The following ZNF385D variants were observed in gnomAD, a reference collection of about 807,000 sequenced individuals.
ZNF385D encodes zinc finger protein 659.
In ZNF385D, 15 loss-of-function variants were observed where a neutral mutation model predicts 35.8. The ratio of observed to expected loss-of-function variants is 0.42; its 90% CI spans 0.28 to 0.64. The LOEUF is 0.64. ZNF385D is among the 30% of genes least tolerant of loss of function. The pLI, the probability that ZNF385D is intolerant of heterozygous loss-of-function variation, is 0.23. For missense variants in ZNF385D, 474 were observed against 494.6 expected (o/e 0.96, Z 0.39); for synonymous variants, 212 against 186.8 (o/e 1.13, Z -1.10).
chr3:21,465,463 G>A lies in ZNF385D; in HGVS notation c.440-28260C>T, dbSNP rs893779036. Among the ~76,000 whole-genome samples the A allele has an allele frequency of 6.6e-6, 1 of 152,112 alleles. No individual in the cohort carries two copies. Among genetic ancestry groups the A allele is most frequent in the Non-Finnish European group, 1.5e-5 (1 of 68,038 alleles). On this transcript the variant is annotated intron_variant, in intron 4 of 7. Transcript: ENST00000281523. The surrounding 1 kb of genome is among the most constrained non-coding windows in gnomAD (Gnocchi z 4.2). ...AGAGGGCCACAGCCTCTCATCACCT[G>A]GCCAGAGTAGGTAACATGAGACAAA...
intron 2 of ZNF385D, chr3:22,372,372 G>T (rs1346553552): frequency 7.8e-5 from 71 of 912,998 alleles, no homozygotes; most frequent in Non-Finnish European, 9.2e-5. Context: ...CCGCAGGGGC[G>T]CAACCCTAGC....
At chr3:21,612,929 C>T (rs1182403350) in intron 2 of ZNF385D, among the ~76,000 whole-genome samples, 1 of 151,838 alleles carries the variant, frequency 6.6e-6, no homozygotes, top group East Asian at 1.9e-4. Context: ...CAATCTTGAA[C>T]CCATTTAGCT....
chr3:22,308,924 C>A (rs1181506563), intron 2 of ZNF385D, among the ~76,000 whole-genome samples: 2 of 151,942 alleles, frequency 1.3e-5, no homozygotes, highest in African/African-American at 4.8e-5. Flanking sequence ...GAAAAATTTG[C>A]TTTATAATTT....
At position 21,607,724 on chromosome 3, in the gene ZNF385D, A is replaced by T. The variant is rs543230966; in HGVS notation, c.166-43040T>A. ...GGGGAAGCTTAGGCTGCAGCCCAGC[A>T]TGCATGTTGGGACAGGAAAAGCTAG... On this transcript the variant is annotated intron_variant, in intron 2 of 7. Transcript: ENST00000281523. 3.9e-5 allele frequency among the ~76,000 whole-genome samples: 6 copies of T among 152,284 alleles called. No individual in the cohort carries two copies. The East Asian group carries it at 7.7e-4, about 20-fold the overall frequency.
At chr3:21,586,369 C>G (rs912287968) in intron 2 of ZNF385D, among the ~76,000 whole-genome samples, 20 of 152,238 alleles carry the variant, frequency 1.3e-4, no homozygotes, top group African/African-American at 4.6e-4. Flanking sequence ...CAGGCATGTT[C>G]AGAATCCATA....
chr3:22,202,229 A>G (rs1334207206), intron 2 of ZNF385D, among the ~76,000 whole-genome samples: 2 of 152,146 alleles, frequency 1.3e-5, no homozygotes, highest in Admixed American at 6.6e-5. Context: ...AGCTCATAGA[A>G]GAACCTATCA....
intron 2 of ZNF385D, among the ~76,000 whole-genome samples, chr3:22,276,275 T>C (rs1467253137): frequency 1.3e-5 from 2 of 152,142 alleles, no homozygotes; most frequent in Non-Finnish European, 2.9e-5. Context: ...ATATGTATGA[T>C]AAAGATTTAC....
chr3:22,295,431 A>G (rs1201053768), intron 2 of ZNF385D, among the ~76,000 whole-genome samples: 2 of 151,384 alleles, frequency 1.3e-5, no homozygotes, highest in Non-Finnish European at 2.9e-5. Flanking sequence ...GCCTCCTATA[A>G]GAGAATTATA....
At chr3:21,470,921 C>T (rs1185495730) in intron 4 of ZNF385D, among the ~76,000 whole-genome samples, 1 of 152,040 alleles carries the variant, frequency 6.6e-6, no homozygotes, top group Non-Finnish European at 1.5e-5. Flanking sequence ...AAAATGGTGC[C>T]ATTAGAGTCT....
chr3:22,281,296 C>T (rs1013422843), intron 2 of ZNF385D, among the ~76,000 whole-genome samples: 10 of 151,964 alleles, frequency 6.6e-5, no homozygotes, highest in African/African-American at 2.4e-4. Flanking sequence ...ATGAAAGTGG[C>T]CATCCTTGTC....
intron 3 of ZNF385D, among the ~76,000 whole-genome samples, chr3:22,156,373 T>A (rs1437412732): frequency 6.6e-6 from 1 of 151,666 alleles, no homozygotes; most frequent in African/African-American, 2.4e-5. Context: ...ATGCAAACTG[T>A]GGTGTACACA....
At chr3:22,059,700 G>A (rs1424221324) in intron 3 of ZNF385D, among the ~76,000 whole-genome samples, 1 of 152,174 alleles carries the variant, frequency 6.6e-6, no homozygotes, top group East Asian at 1.9e-4. Context: ...GTTTCAAAGA[G>A]CAGAGATTTT....
At chr3:21,840,025 G>C (rs968266382) in intron 3 of ZNF385D, among the ~76,000 whole-genome samples, 2 of 152,112 alleles carry the variant, frequency 1.3e-5, no homozygotes, top group Non-Finnish European at 2.9e-5. Context: ...CAACGTTTTT[G>C]GGTGTGAGGA....
intron 4 of ZNF385D, among the ~76,000 whole-genome samples, chr3:21,472,044 T>C (rs1703928063): frequency 6.6e-6 from 1 of 152,150 alleles, no homozygotes; most frequent in South Asian, 2.1e-4. Flanking sequence ...CAGTGTGACC[T>C]GAATATTTAA....
intron 3 of ZNF385D, among the ~76,000 whole-genome samples, chr3:22,105,233 C>T (rs1173863056): frequency 1.4e-5 from 2 of 147,330 alleles, no homozygotes; most frequent in Non-Finnish European, 2.9e-5. Context: ...ATACTTTTCT[C>T]TACTGAAAAT....
chr3:21,700,273 G>A (rs540499499), intron 1 of ZNF385D, among the ~76,000 whole-genome samples: 246 of 152,126 alleles, frequency 1.6e-3, no homozygotes, highest in African/African-American at 5.7e-3. Context: ...AGGAAGTGGG[G>A]GAGTAAGCCA....
At chr3:21,552,597 G>A (rs917260494) in intron 3 of ZNF385D, among the ~76,000 whole-genome samples, 1 of 152,174 alleles carries the variant, frequency 6.6e-6, no homozygotes, top group Non-Finnish European at 1.5e-5. Context: ...AATAGTGAAT[G>A]ATATTCCAGG....
chr3:22,104,366 C>G (rs1007227059), intron 3 of ZNF385D, among the ~76,000 whole-genome samples: 5 of 152,006 alleles, frequency 3.3e-5, no homozygotes, highest in African/African-American at 9.7e-5. Flanking sequence ...TCACTATAAT[C>G]TACTTTGTTG....
intron 3 of ZNF385D, among the ~76,000 whole-genome samples, chr3:22,000,441 T>C (rs945101597): frequency 1.3e-5 from 2 of 152,126 alleles, no homozygotes; most frequent in Admixed American, 6.5e-5. Context: ...TTACCCTATA[T>C]GGTCTAAAAA....
Sources: gnomAD v4.1 joint callset for allele counts (sites outside exome capture counted in the v4.1 genomes callset) on GRCh38, gnomAD v4.1.1 for gene constraint, Gnocchi (gnomAD v3.1) non-coding constraint, MANE v1.5 for transcripts, NCBI Gene and HGNC (gene_info 2026-07-23, HGNC 2026-07-21) for gene names.